FOXO3: variants seen among roughly 807,000 people sequenced by gnomAD.
The protein encoded by FOXO3 is forkhead box protein O3.
In FOXO3, 4 loss-of-function variants were observed where a neutral mutation model predicts 41.9. The observed-to-expected ratio is 0.10, with a 90% CI of 0.05 to 0.22. The LOEUF is 0.22. FOXO3 is among the 10% of genes least tolerant of loss of function. The probability of loss-of-function intolerance (pLI) is 1.00; values close to 1 mark genes in which losing one functional copy is unlikely to be tolerated. For synonymous variants in FOXO3, 318 were observed against 389.3 expected, an observed-to-expected ratio of 0.82 and a Z score of 2.16; for missense variants, 534 against 906.8, an observed-to-expected ratio of 0.59 and a Z score of 5.28.
chr6:108,650,238 C>T (rs1778510457), intron 1 of FOXO3, among the ~76,000 whole-genome samples: 1 of 152,170 alleles, frequency 6.6e-6, no homozygotes, highest in African/African-American at 2.4e-5. Flanking sequence ...CCAGTGAGCC[C>T]TGGAGCACAG....
intron 1 of FOXO3, among the ~76,000 whole-genome samples, chr6:108,598,839 C>T (rs781661999): frequency 9.2e-5 from 14 of 152,272 alleles, no homozygotes; most frequent in Admixed American, 4.6e-4. Context: ...AACTCCTTGA[C>T]CTGGTGGTCA....
intron 1 of FOXO3, among the ~76,000 whole-genome samples, chr6:108,636,466 T>C (rs1582801617): frequency 6.6e-6 from 1 of 152,230 alleles, no homozygotes; most frequent in East Asian, 1.9e-4. Flanking sequence ...ACCCTGTGTG[T>C]TGAGCCCAGT....
chr6:108,637,217 A>T, intron 1 of FOXO3, among the ~76,000 whole-genome samples: 1 of 152,178 alleles, frequency 6.6e-6, no homozygotes, highest in East Asian at 1.9e-4. Context: ...TTAATTGTCT[A>T]GTTTAGCACC....
At position 108,623,227 on chromosome 6, in the gene FOXO3, C is replaced by T. The variant is rs570804302; in HGVS notation, c.622-40228C>T. On this transcript the variant is annotated intron_variant, in intron 1 of 2. Transcript: ENST00000406360. ...GGGCAGAGACAGCAGGAGCCGTAGT[C>T]GTCTCAGGAGCCTACTCTGATTAGC... Among the ~76,000 whole-genome samples the T allele has an allele frequency of 2.6e-5, 4 of 152,248 alleles. No homozygotes were observed. The East Asian group carries it at 5.8e-4, about 22-fold the overall frequency.
intron 1 of FOXO3, among the ~76,000 whole-genome samples, chr6:108,620,229 G>C (rs1777628479): frequency 1.3e-5 from 2 of 152,084 alleles, no homozygotes; most frequent in Admixed American, 1.3e-4. Flanking sequence ...TAATATAATT[G>C]ACTAATTCCT....
At chr6:108,641,563 C>A (rs1778258199) in intron 1 of FOXO3, among the ~76,000 whole-genome samples, 1 of 152,102 alleles carries the variant, frequency 6.6e-6, no homozygotes, top group African/African-American at 2.4e-5. Flanking sequence ...AATAATAAGG[C>A]AACTTATCCA....
intron 1 of FOXO3, among the ~76,000 whole-genome samples, chr6:108,644,909 C>T (rs904833718): frequency 5.3e-5 from 8 of 152,160 alleles, no homozygotes; most frequent in Non-Finnish European, 7.3e-5. Flanking sequence ...CTGTCCCTTA[C>T]CTCCCTCTCA....
At chr6:108,675,031 T>C (rs963164375) in intron 2 of FOXO3, among the ~76,000 whole-genome samples, 5 of 152,208 alleles carry the variant, frequency 3.3e-5, no homozygotes, top group African/African-American at 7.2e-5. Context: ...TTAGTATTCA[T>C]AGTCGACTCT....
intron 1 of FOXO3, among the ~76,000 whole-genome samples, chr6:108,569,987 GTTTTTTTTTTTT>G (rs71015551): frequency 4.8e-4 from 35 of 73,266 alleles, no homozygotes; most frequent in African/African-American, 1.7e-3. Context: ...CCCTTGCGTG[GTTTTTTTTTTTT>G]TTTTTTTTTT....
chr6:108,627,953 G>A (rs963093029), intron 1 of FOXO3, among the ~76,000 whole-genome samples: 1 of 152,094 alleles, frequency 6.6e-6, no homozygotes, highest in Admixed American at 6.6e-5. Context: ...CATATTTAAG[G>A]TACTTAGAGC....
At chr6:108,606,874 G>A (rs1777218119) in intron 1 of FOXO3, among the ~76,000 whole-genome samples, 1 of 152,036 alleles carries the variant, frequency 6.6e-6, no homozygotes, top group Non-Finnish European at 1.5e-5. Context: ...GGTGAGGATG[G>A]GGGTCCCATA....
At chr6:108,580,826 C>T (rs1050600120) in intron 1 of FOXO3, among the ~76,000 whole-genome samples, 1 of 152,246 alleles carries the variant, frequency 6.6e-6, no homozygotes, top group African/African-American at 2.4e-5. Context: ...AGGTTGTAGA[C>T]AAGCATTCAC....
chr6:108,660,615 C>T lies in FOXO3; in HGVS notation c.622-2840C>T, dbSNP rs145698786. ...GGCGTGGTGGCTCATGCCTGTAATC[C>T]CAGCACTTGGGTGGGGAGGCCAAGG... On this transcript the variant is annotated intron_variant, in intron 1 of 2. Transcript: ENST00000406360. Among the ~76,000 whole-genome samples the T allele has an allele frequency of 1.3e-3, 203 of 152,260 alleles. 2 individuals are homozygous for T. The highest frequency in any genetic ancestry group is 4.6e-3 in the African/African-American group (189 of 41,536).
chr6:108,639,283 C>T (rs1778194351), intron 1 of FOXO3, among the ~76,000 whole-genome samples: 1 of 152,170 alleles, frequency 6.6e-6, no homozygotes, highest in Non-Finnish European at 1.5e-5. Flanking sequence ...TTTCCTGGAC[C>T]TCTTTGGGCA....
At chr6:108,612,209 A>G (rs1185736388) in intron 1 of FOXO3, among the ~76,000 whole-genome samples, 1 of 152,176 alleles carries the variant, frequency 6.6e-6, no homozygotes, top group Non-Finnish European at 1.5e-5. Flanking sequence ...TCATCTTTTG[A>G]TACTATTGTA....
intron 1 of FOXO3, among the ~76,000 whole-genome samples, chr6:108,617,311 T>C (rs916951386): frequency 1.3e-5 from 2 of 152,238 alleles, no homozygotes; most frequent in Non-Finnish European, 2.9e-5. Context: ...ATTATTTTCA[T>C]TTTTATGGGT....
In FOXO3 at chr6:108,561,580, G is replaced by T. The variant is rs918851636; in HGVS notation, c.372G>T (p.Gln124His). Residue 124 changes from glutamine (Q) to histidine (H), a missense_variant, in exon 1 of 3, where the codon CAG (glutamine) becomes CAT (histidine). Around this residue, in one of 8 missense-constraint regions of FOXO3, gnomAD observed 139 missense variants for 163.7 expected, o/e 0.85. Transcript: ENST00000406360. ...TAAGGLSGGT[Q>H]ALLQPQQPLP... ...CGGGCGGGCTGAGCGGGGGTACACA[G>T]GCGCTGCTGCAGCCTCAGCAACCGC... 6.7e-7 allele frequency: 1 copy of T among 1,488,542 alleles called. No individual in the cohort carries two copies. The highest frequency in any genetic ancestry group is 1.4e-5 in the African/African-American group (1 of 70,302). 92.2% of individuals were successfully genotyped at this position (1,488,542 alleles called of 1,614,324 possible).
At chr6:108,606,202 TA>T (rs2128367880) in intron 1 of FOXO3, among the ~76,000 whole-genome samples, 1 of 152,342 alleles carries the variant, frequency 6.6e-6, no homozygotes, top group Admixed American at 6.5e-5. Flanking sequence ...TTCCCTGTTG[TA>T]AATAATGTTC....
At chr6:108,639,686 A>G (rs147293714) in intron 1 of FOXO3, 5 of 390,194 alleles carry the variant, frequency 1.3e-5, no homozygotes, top group African/African-American at 1.1e-4. Context: ...AGATACTGCA[A>G]CTACTTACGC....
Sources: allele counts gnomAD v4.1 joint callset (sites outside exome capture counted in the v4.1 genomes callset), GRCh38; gene constraint gnomAD v4.1.1; regional missense constraint gnomAD v4.1.1; transcripts MANE v1.5; gene names NCBI Gene and HGNC (gene_info 2026-07-23, HGNC 2026-07-21).